RYR2: variants seen among roughly 807,000 people sequenced by gnomAD.
The protein encoded by RYR2 is cardiac muscle ryanodine receptor-calcium release channel.
RYR2 carries 227 observed loss-of-function variants against 601.1 expected under a neutral mutation model. The observed-to-expected ratio is 0.38, with a 90% CI of 0.34 to 0.42. The LOEUF is 0.42. RYR2 is among the 10% of genes least tolerant of loss of function. The probability of loss-of-function intolerance (pLI) is 1.00; values close to 1 mark genes in which losing one functional copy is unlikely to be tolerated. For synonymous variants in RYR2, 2,223 were observed against 2,175.1 expected, an observed-to-expected ratio of 1.02 and a Z score of -0.61; for missense variants, 4,646 against 6,156.5, an observed-to-expected ratio of 0.75 and a Z score of 8.21.
Position 237,756,360 on chromosome 1 carries a change from G to C in RYR2, c.11218G>C (p.Val3740Leu). The change falls in exon 81 of 105, where the codon GTG becomes CTG. Residue 3740 changes from valine (V) to leucine (L), a missense_variant. Coordinates refer to ENST00000366574, the MANE Select transcript of RYR2 (RefSeq NM_001035.3). ...RLHDRGAAEMVLQTISASKGE... is the reference protein window; with the variant it reads ...RLHDRGAAEMLLQTISASKGE... ...CCACGATCGTGGCGCGGCTGAGATG[G>C]TGCTACAGACAATCAGTGCCAGCAA... 6.2e-7 allele frequency: 1 copy of C among 1,613,070 alleles called. No homozygotes were observed. The highest frequency in any genetic ancestry group is 8.5e-7 in the Non-Finnish European group (1 of 1,179,256).
At chr1:237,732,525 A>G (rs1339621385) in intron 78 of RYR2, among the ~76,000 whole-genome samples, 1 of 152,176 alleles carries the variant, frequency 6.6e-6, no homozygotes, top group African/African-American at 2.4e-5. Context: ...TTCTGGGTAG[A>G]TAGTGTCTCC....
chr1:237,350,356 G>A (rs941797337), intron 3 of RYR2, among the ~76,000 whole-genome samples: 6 of 151,322 alleles, frequency 4.0e-5, no homozygotes, highest in Non-Finnish European at 8.8e-5. Context: ...GATCCCTTGA[G>A]GTCAGGAGTT....
chr1:237,182,185 G>C (rs549271411), intron 1 of RYR2, among the ~76,000 whole-genome samples: 3 of 151,726 alleles, frequency 2.0e-5, no homozygotes, highest in African/African-American at 4.8e-5. Context: ...ACAGTGGCGC[G>C]ATCTTGGCTC....
At chr1:237,133,351 T>A (rs1672363394) in intron 1 of RYR2, among the ~76,000 whole-genome samples, 1 of 152,098 alleles carries the variant, frequency 6.6e-6, no homozygotes, top group Non-Finnish European at 1.5e-5. Flanking sequence ...AGACCATTGG[T>A]TTAGAATGCA....
At chr1:237,632,713 T>G (rs1397895456) in intron 42 of RYR2, among the ~76,000 whole-genome samples, 1 of 151,996 alleles carries the variant, frequency 6.6e-6, no homozygotes, top group African/African-American at 2.4e-5. Flanking sequence ...AACTTTTAAG[T>G]GACCACAACT....
In RYR2 at chr1:237,095,536, C is replaced by G. The variant is rs1465652305; in HGVS notation, c.48+52967C>G. Among the ~76,000 whole-genome samples, 3 of 152,208 alleles carry G rather than the reference C, an allele frequency of 2.0e-5. No homozygotes were observed. The East Asian group carries it at 5.8e-4, about 29-fold the overall frequency. On this transcript the variant is annotated intron_variant, in intron 1 of 104. Transcript: ENST00000366574. ...ATAATTTTAGCTGACAGCAGCACTG[C>G]CGACATCTCTTTCTCACTCAAGGGA...
intron 10 of RYR2, among the ~76,000 whole-genome samples, chr1:237,404,467 A>C (rs573411373): frequency 6.6e-6 from 1 of 152,320 alleles, no homozygotes; most frequent in African/African-American, 2.4e-5. Flanking sequence ...GAGAAACCAT[A>C]AAAATATAAT....
At chr1:237,174,083 T>C (rs1188634281) in intron 1 of RYR2, among the ~76,000 whole-genome samples, 2 of 152,078 alleles carry the variant, frequency 1.3e-5, no homozygotes, top group African/African-American at 4.8e-5. Context: ...AGAGTATTGG[T>C]GTCATTTAAT....
chr1:237,718,480 G>A lies in RYR2; in HGVS notation c.10513G>A (p.Val3505Ile). 2.5e-6 allele frequency: 4 copies of A among 1,592,434 alleles called. No individual in the cohort carries two copies. The highest frequency in any genetic ancestry group is 2.2e-5 in the South Asian group (2 of 89,902). The part of the protein sequence containing the change: ...RFSLKDTEDE[V>I]RDIIRSNIHL... ...TTGACAGAAAGATACCGAGGATGAAGTACGAGATATAATCCGCAGCAATAT... is the reference window on the plus strand; with the variant it reads ...TTGACAGAAAGATACCGAGGATGAAATACGAGATATAATCCGCAGCAATAT... The change falls in exon 73 of 105, where the codon GTA (valine) becomes ATA (isoleucine). Residue 3505 changes from valine (V) to isoleucine (I), a missense_variant. Val to Ile is a conservative substitution (Grantham distance 29, BLOSUM62 3). This residue lies in a region of RYR2 where 1,497 missense variants were observed against 1,842.6 expected (regional missense o/e 0.81). Transcript: ENST00000366574.
Position 237,042,592 on chromosome 1 carries a change from G to A in RYR2, c.48+23G>A, listed in dbSNP as rs376110883. ...ACTGTAAGCGCCGTGCGTCGCGTGT[G>A]CTGTCAGGGGAAGGGGGCGTCAGGG... On this transcript the variant is annotated intron_variant, in intron 1 of 104. Transcript: ENST00000366574. 2,111 of 1,255,786 alleles carry A rather than the reference G, an allele frequency of 1.7e-3. 3 individuals carry two copies. The highest frequency in any genetic ancestry group is 3.1e-3 in the Middle Eastern group (15 of 4,856). The allele number at this position is 1,255,786 out of a possible 1,614,324, so 77.8% of individuals were successfully genotyped here.
chr1:237,332,825 G>C (rs1696880305), intron 3 of RYR2, among the ~76,000 whole-genome samples: 1 of 152,124 alleles, frequency 6.6e-6, no homozygotes, highest in Non-Finnish European at 1.5e-5. Context: ...TGAAATATAG[G>C]AAGTAATTTG....
Position 237,423,176 on chromosome 1 carries a change from CA to C in RYR2, c.938del (p.Asn313ThrfsTer12). ...GAAAATACTTGAGTCTCATGGAAGA[CA>C]AAAACCTTCTACTCATGGACAAAGA... ...TGKYLSLMED[K>X]NLLLMDKEKA... On this transcript the variant is annotated frameshift_variant, in exon 12 of 105. Coordinates refer to ENST00000366574, the MANE Select transcript of RYR2 (RefSeq NM_001035.3). LOFTEE classifies it high-confidence loss of function. The C allele has an allele frequency of 6.2e-7, 1 of 1,613,778 alleles. No homozygotes were observed. Among genetic ancestry groups the C allele is most frequent in the Non-Finnish European group, 8.5e-7 (1 of 1,179,792 alleles).
At chr1:237,765,931 G>C (rs1229054422) in intron 84 of RYR2, among the ~76,000 whole-genome samples, 3 of 152,156 alleles carry the variant, frequency 2.0e-5, no homozygotes, top group Admixed American at 1.3e-4. Context: ...AATGCTTTAT[G>C]CATATAAAGG....
At chr1:237,354,658 G>A (rs1266921417) in intron 3 of RYR2, among the ~76,000 whole-genome samples, 3 of 151,870 alleles carry the variant, frequency 2.0e-5, no homozygotes, top group East Asian at 1.9e-4. Context: ...CTAAAGGAAT[G>A]GATTCATCAC....
At chr1:237,352,398 G>A (rs562807588) in intron 3 of RYR2, among the ~76,000 whole-genome samples, 37 of 152,036 alleles carry the variant, frequency 2.4e-4, no homozygotes, top group African/African-American at 8.9e-4. Flanking sequence ...TACAAGATGT[G>A]TAAACCTTTA....
chr1:237,227,133 A>T, intron 1 of RYR2, among the ~76,000 whole-genome samples: 1 of 152,172 alleles, frequency 6.6e-6, no homozygotes, highest in East Asian at 1.9e-4. Flanking sequence ...GTCAGAGGGC[A>T]CAAAGCTTTA....
At chr1:237,400,251 T>G (rs182981484) in intron 10 of RYR2, among the ~76,000 whole-genome samples, 1 of 152,320 alleles carries the variant, frequency 6.6e-6, no homozygotes, top group African/African-American at 2.4e-5. Context: ...AAGGCATTCA[T>G]AGAGACTGGA....
chr1:237,618,340 A>G (rs551289701), intron 38 of RYR2, among the ~76,000 whole-genome samples: 1 of 152,296 alleles, frequency 6.6e-6, no homozygotes, highest in East Asian at 1.9e-4. Context: ...TGCTTCTGGA[A>G]AGATGGAGTA....
At chr1:237,469,982 C>A (rs1660526315) in intron 17 of RYR2, among the ~76,000 whole-genome samples, 1 of 152,324 alleles carries the variant, frequency 6.6e-6, no homozygotes, top group East Asian at 1.9e-4. Context: ...AGCTCTCTAG[C>A]TCACACATAA....
Sources: allele counts gnomAD v4.1 joint callset (sites outside exome capture counted in the v4.1 genomes callset), GRCh38; gene constraint gnomAD v4.1.1; regional missense constraint gnomAD v4.1.1; transcripts MANE v1.5; gene names NCBI Gene and HGNC (gene_info 2026-07-23, HGNC 2026-07-21).